The following GREB1 variants were observed in gnomAD, a reference collection of about 807,000 sequenced individuals.
GREB1 encodes growth regulating estrogen receptor binding 1.
In GREB1, 106 loss-of-function variants were observed where a neutral mutation model predicts 200.7. The ratio of observed to expected loss-of-function variants is 0.53; its 90% confidence interval spans 0.45 to 0.62. The LOEUF (loss-of-function observed/expected upper bound fraction) is 0.62. Among genes scored for constraint, GREB1 ranks in the 20% least tolerant of loss-of-function variants. The pLI, the probability that GREB1 is intolerant of heterozygous loss-of-function variation, is 0.00. For synonymous variants in GREB1, 1,132 were observed against 1,092.4 expected (o/e 1.04, Z -0.72); for missense variants, 2,243 against 2,556.8 (o/e 0.88, Z 2.65).
chr2:11,630,438 C>A (rs189090897), intron 26 of GREB1, among the ~76,000 whole-genome samples: 1 of 152,150 alleles, frequency 6.6e-6, no homozygotes, highest in Non-Finnish European at 1.5e-5. Flanking sequence ...CTTCCGTGCC[C>A]GGAAGATAAC....
chr2:11,528,749 T>A (rs186792740), intron 1 of GREB1, among the ~76,000 whole-genome samples: 315 of 152,338 alleles, frequency 2.1e-3, no homozygotes, highest in Non-Finnish European at 3.8e-3. Context: ...ATAATGTATG[T>A]TTGTGAAATT....
At chr2:11,612,733 C>G in intron 19 of GREB1, 123 bp downstream of exon 19, 1 of 624,446 alleles carries the variant, frequency 1.6e-6, no homozygotes, top group South Asian at 1.9e-5. Context: ...ATTCACAGGC[C>G]CCGTGGGTGG....
At chr2:11,494,419 G>C (rs2148411302) in intron 1 of GREB1, among the ~76,000 whole-genome samples, 1 of 152,356 alleles carries the variant, frequency 6.6e-6, no homozygotes, top group Middle Eastern at 3.4e-3. Flanking sequence ...CCCTGATGGG[G>C]GTGCCCAGTG....
intron 4 of GREB1, among the ~76,000 whole-genome samples, chr2:11,568,549 C>T (rs755956796): frequency 2.6e-5 from 4 of 152,282 alleles, no homozygotes; most frequent in Admixed American, 6.5e-5. Flanking sequence ...ACAGACTGAA[C>T]GCTTACGACA....
intron 1 of GREB1, among the ~76,000 whole-genome samples, chr2:11,546,330 G>T (rs145807738): frequency 1.3e-5 from 2 of 152,232 alleles, no homozygotes; most frequent in African/African-American, 4.8e-5. Context: ...ATACAGGAAA[G>T]AAATATTGGT....
chr2:11,560,871 T>G (rs1277606465), intron 2 of GREB1, among the ~76,000 whole-genome samples: 1 of 152,204 alleles, frequency 6.6e-6, no homozygotes, highest in Non-Finnish European at 1.5e-5. Context: ...TTACAAGAAG[T>G]TGGCAGGACT....
intron 17 of GREB1, among the ~76,000 whole-genome samples, chr2:11,609,426 G>C (rs1682720900): frequency 1.3e-5 from 2 of 151,994 alleles, no homozygotes; most frequent in Admixed American, 1.3e-4. Flanking sequence ...GTGCCACCAT[G>C]CCTGACTAAC....
chr2:11,613,739 A>G (rs962572187), intron 19 of GREB1, among the ~76,000 whole-genome samples: 2 of 152,232 alleles, frequency 1.3e-5, no homozygotes, highest in Non-Finnish European at 2.9e-5. Flanking sequence ...GCTGAATACC[A>G]GGTACCTTCT....
Position 11,602,501 on chromosome 2 carries a change from C to T in GREB1, c.2625C>T (p.Tyr875=), listed in dbSNP as rs1013022749. 8.1e-6 allele frequency: 13 copies of T among 1,613,468 alleles called. No homozygotes were observed. The highest frequency in any genetic ancestry group is 2.2e-5 in the East Asian group (1 of 44,892). ...GACACAGCCTCCCCTTGCTCAGATA[C>T]GATAGCTCCTTTGAGGCCATGGTCA... The part of the protein sequence containing the change: ...LSGHSLPLLR[Y]DSSFEAMVTA... Residue 875 remains tyrosine (Y), a synonymous_variant, in exon 17 of 33, where the codon TAC becomes TAT. Transcript: ENST00000381486.
At chr2:11,501,949 T>C (rs1159903678) in intron 1 of GREB1, among the ~76,000 whole-genome samples, 23 of 120,964 alleles carry the variant, frequency 1.9e-4, no homozygotes, top group Non-Finnish European at 3.7e-4. Context: ...GGAGTTTTGC[T>C]CTTGTTGCCC....
rs758721701 is a variant in GREB1 at position 11,562,475 on chromosome 2, T to G, written c.170T>G (p.Val57Gly). ...TTCCCGCATCTAGGTGGTAGCCGAG[T>G]GGACAATGAGGAAGAGGAAGAAGAG... Reference protein sequence around the residue: ...QLAALEGGSRVDNEEEEEEGE... With the variant: ...QLAALEGGSRGDNEEEEEEGE... Residue 57 changes from valine to glycine, a missense_variant, in exon 3 of 33, where the codon GTG becomes GGG. Physicochemically the swap from Val to Gly is moderately radical, Grantham distance 109. Coordinates refer to ENST00000381486, the MANE Select transcript of GREB1 (RefSeq NM_014668.4). The G allele has an allele frequency of 2.3e-5, 37 of 1,611,738 alleles. No individual in the cohort carries two copies. The Admixed American group carries it at 6.2e-4, about 27-fold the overall frequency.
intron 1 of GREB1, among the ~76,000 whole-genome samples, chr2:11,544,768 G>A (rs979306628): frequency 2.0e-5 from 3 of 152,138 alleles, no homozygotes; most frequent in Non-Finnish European, 4.4e-5. Context: ...TCACCTCCAC[G>A]CAGGAGATGG....
At chr2:11,577,671 C>T (rs530544279) in intron 5 of GREB1, among the ~76,000 whole-genome samples, 7 of 152,350 alleles carry the variant, frequency 4.6e-5, no homozygotes, top group Admixed American at 1.3e-4. Context: ...CGGACGCTCC[C>T]GGGCAGGTCC....
intron 3 of GREB1, among the ~76,000 whole-genome samples, chr2:11,565,135 G>A (rs1445238764): frequency 6.6e-6 from 1 of 152,180 alleles, no homozygotes; most frequent in African/African-American, 2.4e-5. Flanking sequence ...AGTCAGCTTG[G>A]CCTCCCTTCC....
At chr2:11,622,150 G>A (rs1187028880) in intron 23 of GREB1, among the ~76,000 whole-genome samples, 1 of 152,034 alleles carries the variant, frequency 6.6e-6, no homozygotes, top group Non-Finnish European at 1.5e-5. Flanking sequence ...GCACCATCTC[G>A]GCTCATTGCA....
At position 11,587,647 on chromosome 2, in the gene GREB1, A is replaced by G. The variant is rs1403099299; in HGVS notation, c.1160-1099A>G. On this transcript the variant is annotated intron_variant, in intron 9 of 32. Transcript: ENST00000381486. ...CTGCATATAACACACAGCCGAAGTC[A>G]GAAAATATATTTTTGGTGACTAAAT... 3.6e-6 allele frequency: 5 copies of G among 1,396,336 alleles called. No individual in the cohort carries two copies. In the African/African-American group the frequency reaches 7.3e-5, roughly 20 times the overall value. 86.5% of individuals were successfully genotyped at this position (1,396,336 alleles called of 1,614,324 possible).
At chr2:11,520,685 A>G (rs759611037) in intron 1 of GREB1, among the ~76,000 whole-genome samples, 5 of 151,998 alleles carry the variant, frequency 3.3e-5, no homozygotes, top group African/African-American at 7.3e-5. Flanking sequence ...TTCTTTTTAA[A>G]GACTCACGTG....
intron 2 of GREB1, among the ~76,000 whole-genome samples, chr2:11,557,398 A>T (rs1391779749): frequency 1.3e-5 from 2 of 152,186 alleles, no homozygotes; most frequent in Non-Finnish European, 2.9e-5. Flanking sequence ...TCTTTTTGTA[A>T]GTTGATGTCT....
chr2:11,551,909 AT>A (rs1164985287), intron 1 of GREB1, among the ~76,000 whole-genome samples: 2 of 152,204 alleles, frequency 1.3e-5, no homozygotes, highest in Non-Finnish European at 2.9e-5. Context: ...CTTATGGACA[AT>A]AGTGCTTTTT....
Sources: gnomAD v4.1 joint callset for allele counts (sites outside exome capture counted in the v4.1 genomes callset) on GRCh38, gnomAD v4.1.1 for gene constraint, MANE v1.5 for transcripts, NCBI Gene and HGNC (gene_info 2026-07-23, HGNC 2026-07-21) for gene names.